Variants in CEP112 observed in about 807,000 individuals in gnomAD.
CEP112 encodes centrosomal protein of 112 kDa.
Under a neutral mutation model 153.0 loss-of-function variants are expected in CEP112, and 127 were observed. That is an observed-to-expected ratio of 0.83 (90% CI 0.72 to 0.96). The LOEUF is 0.96. Among genes scored for constraint, CEP112 ranks in the 40% least tolerant of loss-of-function variants. The probability of loss-of-function intolerance (pLI) is 0.00; values close to 1 mark genes in which losing one functional copy is unlikely to be tolerated. For missense variants in CEP112, 1,089 were observed against 1,101.2 expected (o/e 0.99, Z 0.16); for synonymous variants, 358 against 374.4 (o/e 0.96, Z 0.51).
At chr17:65,815,715 T>C (rs1162174155) in intron 21 of CEP112, among the ~76,000 whole-genome samples, 1 of 152,102 alleles carries the variant, frequency 6.6e-6, no homozygotes, top group African/African-American at 2.4e-5. Flanking sequence ...CTTGGATATA[T>C]CCTGTTAAAC....
chr17:66,052,610 T>C (rs1479500817), intron 12 of CEP112, among the ~76,000 whole-genome samples: 1 of 152,174 alleles, frequency 6.6e-6, no homozygotes, highest in African/African-American at 2.4e-5. Context: ...ACCTCCTTCC[T>C]GAATTACTTC....
In CEP112 at chr17:65,927,664, G is replaced by A. The variant is rs2060976417; in HGVS notation, c.1898C>T (p.Thr633Ile). The A allele has an allele frequency of 1.9e-6, 3 of 1,583,024 alleles. No homozygotes were observed. Among genetic ancestry groups the A allele is most frequent in the Non-Finnish European group, 2.6e-6 (3 of 1,169,486 alleles). ...TTTCTCACGAAGAGATTTGGATCTA[G>A]TTAGATCTGCCTCCACTTTTTCCAT... ...EQMEKVEADL[T>I]RSKSLREKQS... The change falls in exon 19 of 27, where the codon ACT (threonine) becomes ATT (isoleucine). Residue 633 changes from threonine (T) to isoleucine (I), a missense_variant. Physicochemically the swap from Thr to Ile is moderately conservative, Grantham distance 89. Coordinates refer to ENST00000535342, the MANE Select transcript of CEP112 (RefSeq NM_001199165.4).
At chr17:65,740,425 G>A (rs2051062707) in intron 23 of CEP112, among the ~76,000 whole-genome samples, 1 of 152,096 alleles carries the variant, frequency 6.6e-6, no homozygotes, top group South Asian at 2.1e-4. Flanking sequence ...ATATCTCTCA[G>A]GCAATTTAAT....
At chr17:65,806,210 C>T (rs1049438216) in intron 21 of CEP112, among the ~76,000 whole-genome samples, 2 of 152,084 alleles carry the variant, frequency 1.3e-5, no homozygotes, top group African/African-American at 4.8e-5. Context: ...CCAGGGGAAA[C>T]AAGCATGCAT....
rs369805364 is a variant in CEP112 at position 65,689,206 on chromosome 17, C to T, written c.2620G>A (p.Glu874Lys). 1.1e-4 allele frequency: 175 copies of T among 1,610,258 alleles called. 7 individuals are homozygous for T. In the East Asian group the frequency reaches 1.2e-3, roughly 11 times the overall value. The change falls in exon 24 of 27, where the codon GAA (glutamate) becomes AAA (lysine). Residue 874 changes from glutamate (E) to lysine (K), a missense_variant. Physicochemically the swap from Glu to Lys is moderately conservative, Grantham distance 56 (BLOSUM62 1). Transcript: ENST00000535342. ...ACCTGATTAGAACGGTTTTCTAATTCATCTTGTAAAACCTGAAACGGTATA... is the reference window on the plus strand; with the variant it reads ...ACCTGATTAGAACGGTTTTCTAATTTATCTTGTAAAACCTGAAACGGTATA... ...NDQAIKVLQDELENRSNQVRC... is the reference protein window; with the variant it reads ...NDQAIKVLQDKLENRSNQVRC...
chr17:65,851,136 A>G (rs1331502986), intron 21 of CEP112, among the ~76,000 whole-genome samples: 1 of 152,252 alleles, frequency 6.6e-6, no homozygotes, highest in African/African-American at 2.4e-5. Flanking sequence ...CATTCCCAAG[A>G]TAAAGACTGG....
intron 12 of CEP112, among the ~76,000 whole-genome samples, chr17:66,034,114 C>G (rs1598176377): frequency 6.6e-6 from 1 of 152,092 alleles, no homozygotes; most frequent in South Asian, 2.1e-4. Context: ...CCTGCATATA[C>G]CAAGGCACTA....
chr17:65,741,583 G>C (rs901215462), intron 23 of CEP112, among the ~76,000 whole-genome samples: 1 of 151,362 alleles, frequency 6.6e-6, no homozygotes, highest in African/African-American at 2.4e-5. Context: ...ATGAGCAACT[G>C]TACTAATTAT....
At chr17:65,942,474 T>C (rs1157460105) in intron 18 of CEP112, among the ~76,000 whole-genome samples, 1 of 152,212 alleles carries the variant, frequency 6.6e-6, no homozygotes, top group African/African-American at 2.4e-5. Flanking sequence ...TCAGGGCAAC[T>C]GCAATTCAGC....
chr17:65,683,749 A>C (rs925354935), intron 24 of CEP112, among the ~76,000 whole-genome samples: 2 of 152,226 alleles, frequency 1.3e-5, no homozygotes, highest in African/African-American at 4.8e-5. Flanking sequence ...ATTTAGTAAA[A>C]GAACCAACTT....
intron 21 of CEP112, among the ~76,000 whole-genome samples, chr17:65,802,008 T>C (rs913899057): frequency 2.0e-5 from 3 of 152,156 alleles, no homozygotes; most frequent in Non-Finnish European, 4.4e-5. Context: ...CCAGGGTTTG[T>C]TGTTGTTGAT....
chr17:65,914,997 C>T lies in CEP112; in HGVS notation c.1980+12585G>A, dbSNP rs35091478. 2.5e-3 allele frequency among the ~76,000 whole-genome samples: 380 copies of T among 152,236 alleles called. 1 individual carries two copies. The highest frequency in any genetic ancestry group is 8.8e-3 in the African/African-American group (367 of 41,550). The stretch of plus-strand genomic sequence containing the variant: ...CATCTAACTTCCCTTCTTGGCAACA[C>T]CTGAAACAAGTGGTTACTCACTTCC... On this transcript the variant is annotated intron_variant, in intron 19 of 26. Transcript: ENST00000535342.
intron 2 of CEP112, among the ~76,000 whole-genome samples, chr17:66,181,597 C>G (rs2072723777): frequency 6.6e-6 from 1 of 152,110 alleles, no homozygotes; most frequent in South Asian, 2.1e-4. Context: ...CTTCATGATC[C>G]ACCCGCCTCA....
chr17:65,936,145 AC>A (rs1385537019), intron 18 of CEP112, among the ~76,000 whole-genome samples: 1 of 152,214 alleles, frequency 6.6e-6, no homozygotes, highest in Non-Finnish European at 1.5e-5. Context: ...AGCTGAGGAA[AC>A]AGATGAATTC....
intron 8 of CEP112, among the ~76,000 whole-genome samples, chr17:66,094,109 G>T (rs535793822): frequency 6.6e-6 from 1 of 151,858 alleles, no homozygotes; most frequent in African/African-American, 2.4e-5. Context: ...ACCCAGGCAG[G>T]AGTTCGGTGA....
At chr17:65,978,082 A>G (rs189028367) in intron 17 of CEP112, among the ~76,000 whole-genome samples, 4 of 152,076 alleles carry the variant, frequency 2.6e-5, no homozygotes, top group African/African-American at 7.2e-5. Context: ...TCTCAAAAAA[A>G]TTTTTTTAAA....
chr17:65,701,267 T>A (rs1047006155), intron 23 of CEP112, among the ~76,000 whole-genome samples: 1 of 152,074 alleles, frequency 6.6e-6, no homozygotes, highest in Non-Finnish European at 1.5e-5. Context: ...AGAAGGAAGT[T>A]TAAAGAATGA....
intron 20 of CEP112, among the ~76,000 whole-genome samples, chr17:65,870,180 T>A (rs1359663769): frequency 1.3e-5 from 2 of 152,188 alleles, no homozygotes; most frequent in Non-Finnish European, 2.9e-5. Context: ...AAACATGTTA[T>A]GAGTTCACAT....
At chr17:65,891,169 G>A (rs1040114770) in intron 20 of CEP112, among the ~76,000 whole-genome samples, 17 of 152,012 alleles carry the variant, frequency 1.1e-4, no homozygotes. Context: ...GATGATTGGG[G>A]GTATTAAGGT....
Sources: gnomAD v4.1 joint callset for allele counts (sites outside exome capture counted in the v4.1 genomes callset) on GRCh38, gnomAD v4.1.1 for gene constraint, MANE v1.5 for transcripts, NCBI Gene and HGNC (gene_info 2026-07-23, HGNC 2026-07-21) for gene names.